Variants in PPP2R5C observed in about 807,000 individuals in gnomAD.
The protein encoded by PPP2R5C is serine/threonine-protein phosphatase 2A 56 kDa regulatory subunit gamma isoform.
A neutral mutation model predicts 68.9 loss-of-function variants in PPP2R5C; 7 were observed. The observed-to-expected ratio is 0.10, with a 90% CI of 0.06 to 0.19. The LOEUF (loss-of-function observed/expected upper bound fraction) is 0.19. Ranked by LOEUF, PPP2R5C falls within the 10% of genes least tolerant of loss-of-function variation. PPP2R5C has a pLI of 1.00. For missense variants in PPP2R5C, 348 were observed against 641.3 expected, an observed-to-expected ratio of 0.54 and a Z score of 4.94; for synonymous variants, 210 against 222.2, an observed-to-expected ratio of 0.95 and a Z score of 0.49.
At chr14:101,892,734 A>C (rs2045038059) in intron 6 of PPP2R5C, among the ~76,000 whole-genome samples, 1 of 152,058 alleles carries the variant, frequency 6.6e-6, no homozygotes, top group South Asian at 2.1e-4. Flanking sequence ...CCTATATAGG[A>C]TCTCGCTATA....
Position 101,870,100 on chromosome 14 carries a change from G to A in PPP2R5C, c.295-12061G>A, listed in dbSNP as rs1010421832. ...AGTTTTGAGACTTCTTTACATATCT[G>A]GGTACAGATTTTTTGCGAGATACAT... is the stretch of plus-strand genomic sequence containing the variant. On this transcript the variant is annotated intron_variant, in intron 2 of 13. Coordinates refer to ENST00000334743, the Ensembl canonical transcript of PPP2R5C. Among the ~76,000 whole-genome samples the A allele has an allele frequency of 7.7e-5, 8 of 103,578 alleles. No homozygotes were observed. In the Admixed American group the frequency reaches 8.6e-4, roughly 11 times the overall value. The allele number at this position is 103,578 out of a possible 152,430, so 68.0% of individuals were successfully genotyped here.
intron 3 of PPP2R5C, among the ~76,000 whole-genome samples, chr14:101,798,604 G>A (rs1339360007): frequency 6.6e-6 from 1 of 152,188 alleles, no homozygotes; most frequent in Non-Finnish European, 1.5e-5. Flanking sequence ...AAAAAAATAT[G>A]AAATAATTGT....
chr14:101,828,809 C>G (rs66678081), intron 1 of PPP2R5C, among the ~76,000 whole-genome samples: 28,155 of 151,518 alleles, frequency 0.19, 2,676 homozygotes, highest in Admixed American at 0.22. Context: ...TCCCGAGCAA[C>G]TGAGACTACA....
chr14:101,925,317 G>A lies in PPP2R5C; in HGVS notation c.*45G>A, dbSNP rs111800390. 1.5e-5 allele frequency: 24 copies of A among 1,604,390 alleles called. No individual in the cohort carries two copies. The African/African-American group carries it at 1.7e-4, about 12-fold the overall frequency. On this transcript the variant is annotated 3_prime_UTR_variant, in exon 14 of 14. Coordinates refer to ENST00000334743, the Ensembl canonical transcript of PPP2R5C. The stretch of plus-strand genomic sequence containing the variant: ...GGGCCGGGCCCGCCAGTTCTTTTCC[G>A]GATTCTGTAGAAAATACATACTTCC...
chr14:101,803,848 G>C (rs568545278), intron 3 of PPP2R5C, among the ~76,000 whole-genome samples: 1 of 152,108 alleles, frequency 6.6e-6, no homozygotes, highest in African/African-American at 2.4e-5. Flanking sequence ...ACAAGCACAG[G>C]CAACTAAAGC....
chr14:101,788,563 C>CT (rs1424905094), intron 3 of PPP2R5C, among the ~76,000 whole-genome samples: 19 of 152,194 alleles, frequency 1.2e-4, no homozygotes, highest in African/African-American at 4.6e-4. Context: ...TTCATTATAC[C>CT]TAGTAAGAAT....
intron 1 of PPP2R5C, among the ~76,000 whole-genome samples, chr14:101,847,638 C>T (rs943219353): frequency 2.0e-5 from 3 of 150,314 alleles, no homozygotes; most frequent in Admixed American, 1.3e-4. Flanking sequence ...GTGATGCAGG[C>T]TGTGTCCTCA....
At chr14:101,810,024 C>T (rs1292360011) in exon 1 of PPP2R5C, 1 of 1,613,914 alleles carries the variant, frequency 6.2e-7, no homozygotes, top group South Asian at 1.1e-5. Context: ...CGTGGTCCTT[C>T]TCCATATTCG....
intron 11 of PPP2R5C, among the ~76,000 whole-genome samples, chr14:101,911,524 C>T (rs529592317): frequency 3.9e-4 from 59 of 152,100 alleles, no homozygotes; most frequent in Non-Finnish European, 7.8e-4. Context: ...ATCCTCCTCT[C>T]GTGGAATCCC....
In PPP2R5C at chr14:101,880,234, A is replaced by G. The variant is rs896534007; in HGVS notation, c.295-1927A>G. On this transcript the variant is annotated intron_variant, in intron 2 of 13. Transcript: ENST00000334743. ...ATTGCAAACTTTTGTCTTTGTACCT[A>G]TGTCTTAGGAACATTACTCATACTT... Among the ~76,000 whole-genome samples the G allele has an allele frequency of 3.9e-5, 6 of 152,164 alleles. No homozygotes were observed. The South Asian group carries it at 1.0e-3, about 26-fold the overall frequency.
rs748225838 is a variant in PPP2R5C, at chr14:101,835,001, G to GTGTTT, written c.95-21669_95-21665dup. Among the ~76,000 whole-genome samples the GTGTTT allele has an allele frequency of 7.5e-4, 114 of 152,284 alleles. 1 individual carries two copies. Among genetic ancestry groups the GTGTTT allele is most frequent in the African/African-American group, 2.4e-3 (99 of 41,554 alleles). On this transcript the variant is annotated intron_variant, in intron 1 of 13. Transcript: ENST00000334743. This position sits in a 1 kb window ranked among gnomAD's most constrained non-coding sequence, Gnocchi z 5.0. The stretch of plus-strand genomic sequence containing the variant: ...GCCTACTTGCCAGTGGCTTGGAGAA[G>GTGTTT]TGTTTTGTTTTGTTTTGTTTACTTT...
Position 101,906,542 on chromosome 14 carries a change from T to A in PPP2R5C, c.1151+13T>A, listed in dbSNP as rs745628860. ...CCCATTGGAACAAGTAAGAAAGAAC[T>A]GGCTGCCATCTTTTTCAGTCATTTT... On this transcript the variant is annotated intron_variant, in intron 10 of 13. Coordinates refer to ENST00000334743, the Ensembl canonical transcript of PPP2R5C. The surrounding 1 kb of genome is among the most constrained non-coding windows in gnomAD (Gnocchi z 4.0). The A allele has an allele frequency of 1.1e-5, 18 of 1,590,844 alleles. No individual in the cohort carries two copies. In the African/African-American group the frequency reaches 2.2e-4, roughly 19 times the overall value.
At position 101,917,953 on chromosome 14, in the gene PPP2R5C, AGTGCACC is replaced by A. The variant is rs745732182; in HGVS notation, c.1443+8_1443+14del. 1.4e-5 allele frequency: 23 copies of A among 1,613,846 alleles called. No individual in the cohort carries two copies. The African/African-American group carries it at 2.5e-4, about 18-fold the overall frequency. ...TGAAGGACGAGGCTCATCAGGTAAA[AGTGCACC>A]GAGCTCAGCTGGGCACCCATGACTG... On this transcript the variant is annotated splice_region_variant and intron_variant, in intron 13 of 13. Coordinates refer to ENST00000334743, the Ensembl canonical transcript of PPP2R5C. The surrounding 1 kb of genome is among the most constrained non-coding windows in gnomAD (Gnocchi z 4.4).
chr14:101,872,522 G>A (rs2043492372), intron 2 of PPP2R5C, among the ~76,000 whole-genome samples: 1 of 152,136 alleles, frequency 6.6e-6, no homozygotes, highest in Admixed American at 6.5e-5. Context: ...ACAGGGGTGA[G>A]CCTGGTCTTG....
exon 9 of PPP2R5C, chr14:101,901,880 A>G: frequency 1.9e-6 from 3 of 1,614,094 alleles, no homozygotes; most frequent in Non-Finnish European, 2.5e-6. Flanking sequence ...TCTCCAGCCC[A>G]CACTTCCAGG....
rs1248019083 is a variant in PPP2R5C, at chr14:101,899,423, A to C, written c.853-2296A>C. 6.6e-6 allele frequency among the ~76,000 whole-genome samples: 1 copy of C among 152,214 alleles called. No homozygotes were observed. Among genetic ancestry groups the C allele is most frequent in the African/African-American group, 2.4e-5 (1 of 41,456 alleles). Reference sequence around the variant, plus strand: ...GGCCTTGTGCTGCACCCAGCAGCACACAGCCATTGTTGCCTCGGATTCACA... The same window carrying C: ...GGCCTTGTGCTGCACCCAGCAGCACCCAGCCATTGTTGCCTCGGATTCACA... On this transcript the variant is annotated intron_variant, in intron 8 of 13. Coordinates refer to ENST00000334743, the Ensembl canonical transcript of PPP2R5C. The surrounding 1 kb of genome is among the most constrained non-coding windows in gnomAD (Gnocchi z 4.2).
At chr14:101,864,272 G>A (rs950381043) in intron 2 of PPP2R5C, among the ~76,000 whole-genome samples, 6 of 152,054 alleles carry the variant, frequency 3.9e-5, no homozygotes, top group Admixed American at 2.0e-4. Flanking sequence ...TGAATGAGTC[G>A]GATGACTCAG....
intron 1 of PPP2R5C, among the ~76,000 whole-genome samples, chr14:101,832,643 G>A (rs998913525): frequency 1.3e-5 from 2 of 152,146 alleles, no homozygotes; most frequent in Non-Finnish European, 2.9e-5. Flanking sequence ...GGCTTGCATA[G>A]ATGAAGACAA....
At position 101,921,057 on chromosome 14, in the gene PPP2R5C, T is replaced by G. The variant is rs1197807088; in HGVS notation, c.1443+3110T>G. The G allele has an allele frequency of 9.7e-5, 7 of 72,288 alleles. No homozygotes were observed. In the South Asian group the frequency reaches 3.0e-3, roughly 31 times the overall value. 4.5% of individuals were successfully genotyped at this position (72,288 alleles called of 1,614,324 possible). A position where few individuals can be genotyped will look rare whatever the true frequency, so the allele number is the denominator to read the frequency against. On this transcript the variant is annotated intron_variant, in intron 13 of 13. Coordinates refer to ENST00000334743, the Ensembl canonical transcript of PPP2R5C. The stretch of plus-strand genomic sequence containing the variant: ...ATATTTGAAATGATAAATTCTGCTT[T>G]TTTTTTTTTTTTTTTTTTTTTTTTT...
Sources: allele counts gnomAD v4.1 joint callset (sites outside exome capture counted in the v4.1 genomes callset), GRCh38; gene constraint gnomAD v4.1.1; non-coding constraint Gnocchi (gnomAD v3.1); transcripts MANE v1.5; gene names NCBI Gene and HGNC (gene_info 2026-07-23, HGNC 2026-07-21).